SGTA: variants seen among roughly 807,000 people sequenced by gnomAD.
SGTA encodes small glutamine rich tetratricopeptide repeat co-chaperone alpha.
A neutral mutation model predicts 44.3 loss-of-function variants in SGTA; 22 were observed. The ratio of observed to expected loss-of-function variants is 0.50; its 90% CI spans 0.36 to 0.71. The LOEUF (loss-of-function observed/expected upper bound fraction) is 0.71. Among genes scored for constraint, SGTA ranks in the 30% least tolerant of loss-of-function variants. The pLI is 0.00. For synonymous variants in SGTA, 174 were observed against 177.6 expected (o/e 0.98, Z 0.16); for missense variants, 341 against 435.9 (o/e 0.78, Z 1.94).
At chr19:2,781,607 A>C (rs1339172251) in intron 1 of SGTA, among the ~76,000 whole-genome samples, 3 of 152,264 alleles carry the variant, frequency 2.0e-5, no homozygotes, top group Non-Finnish European at 4.4e-5. Context: ...TATAATCCCC[A>C]TTCCACAGAA....
In SGTA at chr19:2,767,887, G is replaced by A. The variant is rs1024630055; in HGVS notation, c.101-201C>T. The stretch of plus-strand genomic sequence containing the variant: ...CCGAAAAGAAAAGCCAGACAGAGAC[G>A]CCCCGTGCCCCTGAGAGCAGCAGAG... On this transcript the variant is annotated intron_variant, in intron 2 of 11. Transcript: ENST00000221566. This position sits in a 1 kb window ranked among gnomAD's most constrained non-coding sequence, Gnocchi z 7.3. 2.0e-5 allele frequency among the ~76,000 whole-genome samples: 3 copies of A among 152,164 alleles called. No homozygotes were observed. The highest frequency in any genetic ancestry group is 6.5e-5 in the Admixed American group (1 of 15,288).
At chr19:2,764,946 A>G (rs547718451) in intron 5 of SGTA, among the ~76,000 whole-genome samples, 1 of 152,180 alleles carries the variant, frequency 6.6e-6, no homozygotes, top group Non-Finnish European at 1.5e-5. Flanking sequence ...CCTAGCCTCA[A>G]GTGATCTTTC....
intron 7 of SGTA, among the ~76,000 whole-genome samples, chr19:2,762,244 C>G (rs1033952483): frequency 2.0e-5 from 3 of 152,200 alleles, no homozygotes; most frequent in Non-Finnish European, 4.4e-5. Flanking sequence ...CCACAAAACC[C>G]ACATCGAGGG....
chr19:2,777,176 G>A (rs908105578), intron 1 of SGTA, among the ~76,000 whole-genome samples: 10 of 151,442 alleles, frequency 6.6e-5, no homozygotes, highest in African/African-American at 1.7e-4. Flanking sequence ...ACTTGAACTC[G>A]GGAGGTGGAG....
Position 2,767,139 on chromosome 19 carries a change from C to A in SGTA, c.289G>T (p.Glu97Ter). ...GGGGATGGAGGTCCTCCCTTACCTT[C>A]GGTTTTGAGGCGCTCTGCCTCTGCT... ...DSAEAERLKT[E>*]GNEQMKVENF... The change falls in exon 4 of 12, where the codon GAA becomes TAA. Residue 97 changes from glutamate (E) to a stop codon, truncating the protein, a stop_gained. Transcript: ENST00000221566. LOFTEE classifies it high-confidence loss of function. The surrounding 1 kb of genome is among the most constrained non-coding windows in gnomAD (Gnocchi z 7.3). The A allele has an allele frequency of 6.2e-7, 1 of 1,609,832 alleles. No homozygotes were observed. The highest frequency in any genetic ancestry group is 1.1e-5 in the South Asian group (1 of 90,220).
At chr19:2,775,629 G>T (rs1242898085) in intron 1 of SGTA, among the ~76,000 whole-genome samples, 3 of 152,228 alleles carry the variant, frequency 2.0e-5, no homozygotes, top group Admixed American at 2.0e-4. Flanking sequence ...GAAATGTCCA[G>T]GACAGGCCCA....
At chr19:2,776,837 C>T (rs996501174) in intron 1 of SGTA, among the ~76,000 whole-genome samples, 12 of 152,122 alleles carry the variant, frequency 7.9e-5, no homozygotes, top group African/African-American at 2.7e-4. Context: ...GTGGCGCACA[C>T]CTGTAGTCCC....
At position 2,761,925 on chromosome 19, in the gene SGTA, T is replaced by C. The variant is rs181883881; in HGVS notation, c.637-403A>G. 2.0e-5 allele frequency among the ~76,000 whole-genome samples: 3 copies of C among 151,052 alleles called. No individual in the cohort carries two copies. Among genetic ancestry groups the C allele is most frequent in the East Asian group, 4.0e-4 (2 of 5,032 alleles). ...CGCCCGGGGACGGCACAGTCTATCA[T>C]CCCGTGTTGATTTCCTGTATTCTGC... is the stretch of plus-strand genomic sequence containing the variant. On this transcript the variant is annotated intron_variant, in intron 7 of 11. Coordinates refer to ENST00000221566, the MANE Select transcript of SGTA (RefSeq NM_003021.4). The surrounding 1 kb of genome is among the most constrained non-coding windows in gnomAD (Gnocchi z 5.7).
intron 1 of SGTA, among the ~76,000 whole-genome samples, chr19:2,778,915 G>A (rs1915507100): frequency 2.6e-5 from 4 of 152,214 alleles, no homozygotes. Context: ...CTGCTGTCCA[G>A]TGTGAGCAGG....
chr19:2,756,434 G>T (rs1181973121), intron 11 of SGTA, among the ~76,000 whole-genome samples: 1 of 150,502 alleles, frequency 6.6e-6, no homozygotes, highest in Non-Finnish European at 1.5e-5. Flanking sequence ...CCAGCCGGGG[G>T]GACAGAGCAG....
chr19:2,759,120 T>C (rs1440038617), intron 9 of SGTA, 137 bp downstream of exon 9: 7 of 731,170 alleles, frequency 9.6e-6, no homozygotes, highest in African/African-American at 1.9e-5. Flanking sequence ...GTGGTGACAG[T>C]TGCATGACAG....
intron 5 of SGTA, among the ~76,000 whole-genome samples, chr19:2,764,392 T>C (rs1214814715): frequency 3.3e-5 from 5 of 152,196 alleles, no homozygotes; most frequent in African/African-American, 1.2e-4. Context: ...TTTCTATGTA[T>C]GTATTTATGT....
In SGTA at chr19:2,763,268, C is replaced by T. The variant is rs1915052768; in HGVS notation, c.497+385G>A. 1.3e-5 allele frequency among the ~76,000 whole-genome samples: 2 copies of T among 152,196 alleles called. No homozygotes were observed. Among genetic ancestry groups the T allele is most frequent in the African/African-American group, 4.8e-5 (2 of 41,448 alleles). On this transcript the variant is annotated intron_variant, in intron 6 of 11. Coordinates refer to ENST00000221566, the MANE Select transcript of SGTA (RefSeq NM_003021.4). The surrounding 1 kb of genome is among the most constrained non-coding windows in gnomAD (Gnocchi z 5.8). ...GCACCGGCTGCACGGGGCGCAGGCT[C>T]CTGCCCCGGGGACCCTCCTGGCCTC...
chr19:2,760,277 G>A (rs1235486913), intron 8 of SGTA, among the ~76,000 whole-genome samples: 1 of 151,980 alleles, frequency 6.6e-6, no homozygotes, highest in Non-Finnish European at 1.5e-5. Flanking sequence ...CCAGCACTTT[G>A]GGGGGCCGAG....
chr19:2,763,988 G>C lies in SGTA; in HGVS notation c.393-231C>G, dbSNP rs1446893514. On this transcript the variant is annotated intron_variant, in intron 5 of 11. Coordinates refer to ENST00000221566, the MANE Select transcript of SGTA (RefSeq NM_003021.4). The surrounding 1 kb of genome is among the most constrained non-coding windows in gnomAD (Gnocchi z 5.8). ...AGCAGCCACTCAGGACTGCGACTCT[G>C]AATTTTATTTGCAAAAAATGTTCCG... 6.6e-6 allele frequency among the ~76,000 whole-genome samples: 1 copy of C among 152,196 alleles called. No individual in the cohort carries two copies. The highest frequency in any genetic ancestry group is 1.5e-5 in the Non-Finnish European group (1 of 68,040).
rs1000855607 is a variant in SGTA, at chr19:2,763,191, G to A, written c.497+462C>T. ...GGGGAGACCCAATCCCACAAACTCT[G>A]AGCAAGGGCATTCAGAGAAGCAGGC... On this transcript the variant is annotated intron_variant, in intron 6 of 11. Transcript: ENST00000221566. This position sits in a 1 kb window ranked among gnomAD's most constrained non-coding sequence, Gnocchi z 5.8. 3.3e-5 allele frequency among the ~76,000 whole-genome samples: 5 copies of A among 152,184 alleles called. No individual in the cohort carries two copies. The highest frequency in any genetic ancestry group is 4.4e-5 in the Non-Finnish European group (3 of 68,032).
chr19:2,781,987 G>A (rs1915586738), intron 1 of SGTA, among the ~76,000 whole-genome samples: 1 of 152,008 alleles, frequency 6.6e-6, no homozygotes, highest in African/African-American at 2.4e-5. Flanking sequence ...GATTACAGGT[G>A]CACACCACCA....
At position 2,779,444 on chromosome 19, in the gene SGTA, G is replaced by C. The variant is rs574805928; in HGVS notation, c.-24+3789C>G. 2.6e-5 allele frequency among the ~76,000 whole-genome samples: 4 copies of C among 152,180 alleles called. No homozygotes were observed. In the South Asian group the frequency reaches 8.3e-4, roughly 31 times the overall value. On this transcript the variant is annotated intron_variant, in intron 1 of 11. Coordinates refer to ENST00000221566, the MANE Select transcript of SGTA (RefSeq NM_003021.4). ...TAAGAAAGTTTTCTGCTCTTCAGAGGGGGGTCCAGCAAGCATGAGGACGGC... is the reference window on the plus strand; with the variant it reads ...TAAGAAAGTTTTCTGCTCTTCAGAGCGGGGTCCAGCAAGCATGAGGACGGC...
chr19:2,760,480 T>G (rs971629737), intron 8 of SGTA, among the ~76,000 whole-genome samples: 3 of 128,938 alleles, frequency 2.3e-5, no homozygotes, highest in Non-Finnish European at 4.6e-5. Context: ...ATCACACCAC[T>G]GCACTCCAAC....
Sources: gnomAD v4.1 joint callset for allele counts (sites outside exome capture counted in the v4.1 genomes callset) on GRCh38, gnomAD v4.1.1 for gene constraint, Gnocchi (gnomAD v3.1) non-coding constraint, MANE v1.5 for transcripts, NCBI Gene and HGNC (gene_info 2026-07-23, HGNC 2026-07-21) for gene names.